The following XIRP2 variants were observed in gnomAD, a reference collection of about 807,000 sequenced individuals.
The protein encoded by XIRP2 is xin actin-binding repeat-containing protein 2.
XIRP2 carries 236 observed loss-of-function variants against 277.0 expected under a neutral mutation model. The observed-to-expected ratio is 0.85, with a 90% CI of 0.77 to 0.95. The LOEUF is 0.95. XIRP2 is among the 40% of genes least tolerant of loss of function. The pLI, the probability that XIRP2 is intolerant of heterozygous loss-of-function variation, is 0.00. For synonymous variants in XIRP2, 1,490 were observed against 1,416.5 expected (o/e 1.05, Z -1.17); for missense variants, 4,640 against 4,157.5 (o/e 1.12, Z -3.19).
rs185830074 is a variant in XIRP2 at position 167,067,654 on chromosome 2, G to A, written c.409-68255G>A. Among the ~76,000 whole-genome samples the A allele has an allele frequency of 1.8e-3, 269 of 152,172 alleles. 1 individual carries two copies. The highest frequency in any genetic ancestry group is 6.1e-3 in the African/African-American group (252 of 41,506). On this transcript the variant is annotated intron_variant, in intron 2 of 10. Transcript: ENST00000409195. ...GTATCTATTGCTAAAAAATGCAGAC[G>A]CAGAGATCCAAAGTGACCACATGCT...
chr2:166,977,257 C>G (rs1276370244), intron 2 of XIRP2, among the ~76,000 whole-genome samples: 1 of 152,076 alleles, frequency 6.6e-6, no homozygotes, highest in Non-Finnish European at 1.5e-5. Context: ...AGTTTCTTGT[C>G]AATGGTTTTC....
At chr2:166,951,846 G>A (rs1367241041) in intron 2 of XIRP2, among the ~76,000 whole-genome samples, 1 of 151,986 alleles carries the variant, frequency 6.6e-6, no homozygotes, top group Non-Finnish European at 1.5e-5. Context: ...ACATGCTTTG[G>A]AGAGCACAGA....
intron 1 of XIRP2, among the ~76,000 whole-genome samples, chr2:166,895,252 G>A (rs116239833): frequency 6.6e-6 from 1 of 152,174 alleles, no homozygotes; most frequent in Admixed American, 6.5e-5. Flanking sequence ...CACATTGGTT[G>A]TATTATGCCC....
At chr2:166,930,577 T>C (rs2105367876) in intron 2 of XIRP2, among the ~76,000 whole-genome samples, 1 of 152,292 alleles carries the variant, frequency 6.6e-6, no homozygotes, top group Middle Eastern at 3.4e-3. Flanking sequence ...TGTATGATAG[T>C]AATTTTGCAT....
At chr2:166,896,397 C>T (rs571639575) in intron 1 of XIRP2, among the ~76,000 whole-genome samples, 4 of 151,404 alleles carry the variant, frequency 2.6e-5, no homozygotes, top group Non-Finnish European at 2.9e-5. Flanking sequence ...ATAGTGATAT[C>T]GGAGGTGAAA....
chr2:167,226,378 A>G (rs1694602820), intron 5 of XIRP2, among the ~76,000 whole-genome samples: 1 of 152,078 alleles, frequency 6.6e-6, no homozygotes, highest in Admixed American at 6.6e-5. Context: ...CCTTCCCTAT[A>G]GCTCTGTAGA....
At chr2:167,025,246 G>T (rs1335283640) in intron 2 of XIRP2, among the ~76,000 whole-genome samples, 4 of 152,160 alleles carry the variant, frequency 2.6e-5, no homozygotes, top group African/African-American at 9.7e-5. Context: ...TTGCGAAGAG[G>T]TGTTTGTAGT....
At chr2:166,893,440 C>T (rs947308143) in intron 1 of XIRP2, among the ~76,000 whole-genome samples, 3 of 152,080 alleles carry the variant, frequency 2.0e-5, no homozygotes, top group African/African-American at 4.8e-5. Flanking sequence ...TTCCTTTCTG[C>T]GTATCTCTTT....
chr2:167,209,323 G>T (rs1027894403), intron 3 of XIRP2, among the ~76,000 whole-genome samples: 5 of 152,146 alleles, frequency 3.3e-5, no homozygotes, highest in Non-Finnish European at 7.4e-5. Context: ...CACAGAAATT[G>T]TTCTCAACTG....
chr2:166,994,528 T>C (rs62196035), intron 2 of XIRP2, among the ~76,000 whole-genome samples: 4,788 of 128,842 alleles, frequency 0.037, 2 homozygotes, highest in South Asian at 0.047. Flanking sequence ...CTTAATTTAA[T>C]GTGTAGGTAA....
intron 2 of XIRP2, among the ~76,000 whole-genome samples, chr2:166,937,943 C>T (rs1269362189): frequency 6.6e-6 from 1 of 151,982 alleles, no homozygotes; most frequent in African/African-American, 2.4e-5. Flanking sequence ...GTGGTGATAT[C>T]CCCTTTATCA....
chr2:166,936,897 C>A (rs1558922292), intron 2 of XIRP2, among the ~76,000 whole-genome samples: 1 of 152,040 alleles, frequency 6.6e-6, no homozygotes, highest in Non-Finnish European at 1.5e-5. Flanking sequence ...GCAATGTGGG[C>A]CCTTTTTTGG....
chr2:167,117,054 A>G (rs115998981), intron 2 of XIRP2, among the ~76,000 whole-genome samples: 3 of 152,230 alleles, frequency 2.0e-5, no homozygotes, highest in Non-Finnish European at 4.4e-5. Context: ...GTAGAGTTAG[A>G]AAATGCCTCT....
chr2:166,974,798 G>C (rs549781022), intron 2 of XIRP2, among the ~76,000 whole-genome samples: 14 of 152,094 alleles, frequency 9.2e-5, no homozygotes, highest in African/African-American at 3.4e-4. Flanking sequence ...ATATCAATGA[G>C]AATGTCATAT....
chr2:167,108,620 A>G (rs866205705), intron 2 of XIRP2, among the ~76,000 whole-genome samples: 4 of 152,228 alleles, frequency 2.6e-5, no homozygotes, highest in Admixed American at 6.5e-5. Flanking sequence ...CTTTTCAAAT[A>G]AAGTGGAATG....
intron 2 of XIRP2, among the ~76,000 whole-genome samples, chr2:167,043,237 A>T (rs983763235): frequency 6.6e-6 from 1 of 152,282 alleles, no homozygotes; most frequent in Admixed American, 6.5e-5. Context: ...AGTTAAAAAG[A>T]TCTCAAATTA....
At chr2:167,079,728 T>G (rs1689677817) in intron 2 of XIRP2, among the ~76,000 whole-genome samples, 1 of 151,934 alleles carries the variant, frequency 6.6e-6, no homozygotes, top group Non-Finnish European at 1.5e-5. Context: ...TTTTCTCTTT[T>G]TTGCTCTGTT....
chr2:167,071,906 G>A (rs1689445966), intron 2 of XIRP2, among the ~76,000 whole-genome samples: 1 of 152,082 alleles, frequency 6.6e-6, no homozygotes, highest in African/African-American at 2.4e-5. Flanking sequence ...ACCGTAGAGG[G>A]GAAACACCCA....
chr2:167,250,338 T>C lies in XIRP2; in HGVS notation c.8946T>C (p.Thr2982=). The C allele has an allele frequency of 1.2e-6, 2 of 1,613,550 alleles. No homozygotes were observed. Among genetic ancestry groups the C allele is most frequent in the African/African-American group, 1.3e-5 (1 of 74,978 alleles). Residue 2982 remains threonine (T), a synonymous_variant, in exon 9 of 11, where the codon ACT becomes ACC. Coordinates refer to ENST00000409195, the MANE Select transcript of XIRP2 (RefSeq NM_152381.6). ...AAACATTTCAGACACTATTAAATACTATCCCAGGATGGCTGATAAGTGAAG... is the reference window on the plus strand; with the variant it reads ...AAACATTTCAGACACTATTAAATACCATCCCAGGATGGCTGATAAGTGAAG... ...GLKTFQTLLN[T]IPGWLISEDK... is the part of the protein sequence containing the mutation.
Sources: allele counts gnomAD v4.1 joint callset (sites outside exome capture counted in the v4.1 genomes callset), GRCh38; gene constraint gnomAD v4.1.1; transcripts MANE v1.5; gene names NCBI Gene and HGNC (gene_info 2026-07-23, HGNC 2026-07-21).